The following CLN6 variants were observed in gnomAD, a reference collection of about 807,000 sequenced individuals.
CLN6 encodes the protein ceroid-lipofuscinosis neuronal protein 6.
A neutral mutation model predicts 33.3 loss-of-function variants in CLN6; 22 were observed. The ratio of observed to expected loss-of-function variants is 0.66; its 90% CI spans 0.47 to 0.94. The LOEUF is 0.94. Ranked by LOEUF, CLN6 falls within the 40% of genes least tolerant of loss-of-function variation. The probability of loss-of-function intolerance (pLI) is 0.00; values close to 1 mark genes in which losing one functional copy is unlikely to be tolerated. For synonymous variants in CLN6, 201 were observed against 174.6 expected, an observed-to-expected ratio of 1.15 and a Z score of -1.19; for missense variants, 387 against 417.1, an observed-to-expected ratio of 0.93 and a Z score of 0.63.
chr15:68,230,635 C>T (rs2141157308), upstream of CLN6, among the ~76,000 whole-genome samples: 1 of 152,348 alleles, frequency 6.6e-6, no homozygotes, highest in Admixed American at 6.5e-5. The surrounding 1 kb of genome is among the most constrained non-coding windows in gnomAD (Gnocchi z 4.0). Flanking sequence ...TCATCTGTAA[C>T]AAGAAGATGC....
chr15:68,212,142 G>A, intron 3 of CLN6: 1 of 476,808 alleles, frequency 2.1e-6, no homozygotes, highest in East Asian at 4.0e-5. Flanking sequence ...CACATGAGCT[G>A]TAGGCTGGAG....
rs1472137169 is a variant in CLN6, at chr15:68,209,731, TGAAGAGGATGAGGAA to T, written c.556_570del (p.Phe186_Phe190del). The T allele has an allele frequency of 6.2e-7, 1 of 1,613,590 alleles. No individual in the cohort carries two copies. Among genetic ancestry groups the T allele is most frequent in the South Asian group, 1.1e-5 (1 of 91,048 alleles). On this transcript the variant is annotated inframe_deletion, in exon 6 of 7. Coordinates refer to ENST00000249806, the MANE Select transcript of CLN6 (RefSeq NM_017882.3). This position sits in a 1 kb window ranked among gnomAD's most constrained non-coding sequence, Gnocchi z 4.9. ...GCAGTAAAGCAGCCGCTGAAGTACA[TGAAGAGGATGAGGAA>T]GAAGGGGATGTACCTGTGACAGGAA...
At chr15:68,243,233 G>A (rs1892294195) in intron 1 of CLN6, among the ~76,000 whole-genome samples, 1 of 152,212 alleles carries the variant, frequency 6.6e-6, no homozygotes, top group Admixed American at 6.5e-5. Context: ...GTATAAACAA[G>A]TTGGCTAAGA....
chr15:68,224,250 A>T (rs1011464413), intron 1 of CLN6, among the ~76,000 whole-genome samples: 1 of 122,182 alleles, frequency 8.2e-6, no homozygotes, highest in African/African-American at 3.0e-5. Flanking sequence ...TGGGTGACAG[A>T]GTAAGACCTT....
In CLN6 at chr15:68,246,394, T is replaced by C. The variant is rs1892329968; in HGVS notation, c.179+10296A>G. ...TTTTCTGGCCACAATGGAATAAAACTGGAAATCAATAACAACAGGGATCTC... is the reference window on the plus strand; with the variant it reads ...TTTTCTGGCCACAATGGAATAAAACCGGAAATCAATAACAACAGGGATCTC... On this transcript the variant is annotated intron_variant, in intron 1 of 6. Transcript: ENST00000538696. This position sits in a 1 kb window ranked among gnomAD's most constrained non-coding sequence, Gnocchi z 4.5. Among the ~76,000 whole-genome samples the C allele has an allele frequency of 6.6e-6, 1 of 152,048 alleles. No homozygotes were observed. The highest frequency in any genetic ancestry group is 2.1e-4 in the South Asian group (1 of 4,830).
chr15:68,249,709 A>G (rs530135104), intron 1 of CLN6, among the ~76,000 whole-genome samples: 122 of 152,336 alleles, frequency 8.0e-4, no homozygotes, highest in African/African-American at 2.8e-3. Flanking sequence ...ACAGTTAGGT[A>G]GAAGAAAGAA....
chr15:68,223,505 C>T (rs890653847), intron 1 of CLN6, among the ~76,000 whole-genome samples: 1 of 152,040 alleles, frequency 6.6e-6, no homozygotes, highest in Non-Finnish European at 1.5e-5. Flanking sequence ...ACTTGGGTGG[C>T]GAAAGAGGTA....
In CLN6 at chr15:68,209,803, C is replaced by A; in HGVS notation, c.543-44G>T. On this transcript the variant is annotated intron_variant, in intron 5 of 6. Transcript: ENST00000249806. The surrounding 1 kb of genome is among the most constrained non-coding windows in gnomAD (Gnocchi z 4.9). ...TGTCTTAGAGGCCTGCTCAGCGGCC[C>A]TCTTCCCCACAACCTCTGCAACCAC... The A allele has an allele frequency of 6.2e-7, 1 of 1,609,174 alleles. No individual in the cohort carries two copies.
At chr15:68,240,326 A>G (rs1892269825) in intron 1 of CLN6, among the ~76,000 whole-genome samples, 1 of 152,174 alleles carries the variant, frequency 6.6e-6, no homozygotes, top group Non-Finnish European at 1.5e-5. Context: ...GGCCAGGCGC[A>G]GTGGCTCACG....
chr15:68,230,102 C>G (rs2093265768), upstream of CLN6, among the ~76,000 whole-genome samples: 1 of 152,086 alleles, frequency 6.6e-6, no homozygotes, highest in Admixed American at 6.5e-5. The surrounding 1 kb of genome is among the most constrained non-coding windows in gnomAD (Gnocchi z 4.0). Flanking sequence ...GAGACCTGCA[C>G]GTGTAGCACC....
intron 1 of CLN6, among the ~76,000 whole-genome samples, chr15:68,235,587 AATATATATATAT>A (rs59823320): frequency 7.4e-5 from 7 of 95,108 alleles, no homozygotes; most frequent in African/African-American, 3.2e-4. Flanking sequence ...AATAAAAATA[AATATATATATAT>A]ATATATATAT....
At chr15:68,230,590 G>A (rs1041648073), upstream of CLN6, among the ~76,000 whole-genome samples, 4 of 152,292 alleles carry the variant, frequency 2.6e-5, no homozygotes, top group East Asian at 3.9e-4. This position sits in a 1 kb window ranked among gnomAD's most constrained non-coding sequence, Gnocchi z 4.0. Flanking sequence ...CTGTGATGCG[G>A]GCAAATGGCT....
upstream of CLN6, chr15:68,229,757 A>ACCCGGG (rs1567101748): frequency 3.3e-4 from 31 of 94,898 alleles, no homozygotes; most frequent in Non-Finnish European, 2.2e-4. Context: ...GGCGGGGCGG[A>ACCCGGG]GCGGAGCGGA....
In CLN6 at chr15:68,208,507, G is replaced by T; in HGVS notation, c.666-97C>A. ...CGAGAGCCAGGCTGCCCTCCAGGCA[G>T]GCAGAAGAGTCCTCTGGTGCCAGGG... On this transcript the variant is annotated intron_variant, in intron 6 of 6. Transcript: ENST00000249806. The surrounding 1 kb of genome is among the most constrained non-coding windows in gnomAD (Gnocchi z 5.8). 2.2e-6 allele frequency: 3 copies of T among 1,361,608 alleles called. No individual in the cohort carries two copies. Among genetic ancestry groups the T allele is most frequent in the Non-Finnish European group, 3.1e-6 (3 of 970,456 alleles). The allele number at this position is 1,361,608 out of a possible 1,614,324, so 84.3% of individuals were successfully genotyped here.
At position 68,217,234 on chromosome 15, in the gene CLN6, GTTTGT is replaced by G. The variant is rs549773806; in HGVS notation, c.198+1297_198+1301del. 2.7e-4 allele frequency among the ~76,000 whole-genome samples: 41 copies of G among 152,246 alleles called. No individual in the cohort carries two copies. In the South Asian group the frequency reaches 8.1e-3, roughly 30 times the overall value. On this transcript the variant is annotated intron_variant, in intron 2 of 6. Coordinates refer to ENST00000249806, the MANE Select transcript of CLN6 (RefSeq NM_017882.3). ...GCTTTCCAAAAAGGCTTTGCTTTTTGTTTGTTTTGTTTTTTGAGACAGGGTCTCAC... is the reference window on the plus strand; with the variant it reads ...GCTTTCCAAAAAGGCTTTGCTTTTTGTTTGTTTTTTGAGACAGGGTCTCAC...
chr15:68,235,384 T>C (rs1189582819), intron 1 of CLN6, among the ~76,000 whole-genome samples: 3 of 152,060 alleles, frequency 2.0e-5, no homozygotes, highest in Non-Finnish European at 2.9e-5. Context: ...TAATATCTGC[T>C]TTGAAATTGT....
intron 3 of CLN6, chr15:68,213,997 C>A (rs2093213326): frequency 5.3e-6 from 2 of 374,544 alleles, no homozygotes; most frequent in Non-Finnish European, 5.1e-6. Context: ...CCAAGCACAG[C>A]CTTGTCTTTA....
chr15:68,211,652 C>G lies in CLN6; in HGVS notation c.486+23G>C. ...AGACTGTGCTCCTAGGGCTTACAGG[C>G]AGGGAGCAGGAGGTGGCCTCACCAG... On this transcript the variant is annotated intron_variant, in intron 4 of 6. Transcript: ENST00000249806. This position sits in a 1 kb window ranked among gnomAD's most constrained non-coding sequence, Gnocchi z 5.9. 6.2e-7 allele frequency: 1 copy of G among 1,612,596 alleles called. No individual in the cohort carries two copies. The highest frequency in any genetic ancestry group is 8.5e-7 in the Non-Finnish European group (1 of 1,180,002).
chr15:68,252,501 A>T (rs1892391201), intron 1 of CLN6, among the ~76,000 whole-genome samples: 1 of 152,244 alleles, frequency 6.6e-6, no homozygotes, highest in Non-Finnish European at 1.5e-5. Context: ...GAAGATATGT[A>T]TCAGTGGAAC....
Sources: allele counts gnomAD v4.1 joint callset (sites outside exome capture counted in the v4.1 genomes callset), GRCh38; gene constraint gnomAD v4.1.1; non-coding constraint Gnocchi (gnomAD v3.1); transcripts MANE v1.5; gene names NCBI Gene and HGNC (gene_info 2026-07-23, HGNC 2026-07-21).